The following TLE4 variants were observed in gnomAD, a reference collection of about 807,000 sequenced individuals.
TLE4 encodes the protein TLE family member 4, transcriptional corepressor.
In TLE4, 8 loss-of-function variants were observed where a neutral mutation model predicts 92.8. That is an observed-to-expected ratio of 0.09 (90% confidence interval 0.05 to 0.16). TLE4 has a LOEUF of 0.16. Ranked by LOEUF, TLE4 falls within the 10% of genes least tolerant of loss-of-function variation. TLE4 has a pLI of 1.00. For synonymous variants in TLE4, 371 were observed against 374.1 expected (o/e 0.99, Z 0.10); for missense variants, 675 against 997.6 (o/e 0.68, Z 4.36).
At chr9:79,620,322 C>T (rs115809337) in intron 5 of TLE4, among the ~76,000 whole-genome samples, 1,704 of 152,280 alleles carry the variant, frequency 0.011, 39 homozygotes, top group African/African-American at 0.039. Flanking sequence ...GCTCAGTATC[C>T]ACTCATATGT....
At chr9:79,584,617 A>G (rs1321095295) in intron 4 of TLE4, among the ~76,000 whole-genome samples, 1 of 152,170 alleles carries the variant, frequency 6.6e-6, no homozygotes, top group Non-Finnish European at 1.5e-5. Flanking sequence ...GCAATAAAAT[A>G]TTTGGTGAAT....
chr9:79,601,083 G>A (rs952626847), intron 4 of TLE4, among the ~76,000 whole-genome samples: 1 of 152,180 alleles, frequency 6.6e-6, no homozygotes, highest in African/African-American at 2.4e-5. Context: ...AGGAGGTTGA[G>A]CTGCATTTCC....
chr9:79,623,878 A>G (rs1332363356), intron 5 of TLE4, among the ~76,000 whole-genome samples: 1 of 152,148 alleles, frequency 6.6e-6, no homozygotes, highest in Non-Finnish European at 1.5e-5. Flanking sequence ...GGCGCATTCA[A>G]ACAGGACACT....
intron 4 of TLE4, among the ~76,000 whole-genome samples, chr9:79,581,623 CAG>C (rs770688800): frequency 1.9e-4 from 29 of 152,198 alleles, no homozygotes; most frequent in Non-Finnish European, 3.4e-4. Context: ...GATCCTAAGA[CAG>C]GGATTATATC....
intron 4 of TLE4, among the ~76,000 whole-genome samples, chr9:79,583,026 T>C (rs112388471): frequency 4.6e-5 from 7 of 152,312 alleles, no homozygotes; most frequent in African/African-American, 1.7e-4. Context: ...CTCAGAAGTT[T>C]TAGTCAGAAG....
intron 6 of TLE4, among the ~76,000 whole-genome samples, chr9:79,646,070 C>G (rs572267804): frequency 7.0e-4 from 106 of 151,058 alleles, no homozygotes; most frequent in African/African-American, 2.3e-3. Context: ...TCTTCTAAAG[C>G]CTATATATAT....
At chr9:79,709,252 TTTC>T (rs2072599468) in intron 13 of TLE4, among the ~76,000 whole-genome samples, 1 of 152,172 alleles carries the variant, frequency 6.6e-6, no homozygotes, top group Non-Finnish European at 1.5e-5. Context: ...GGTGAAGAAG[TTTC>T]TTTTTTATTT....
intron 8 of TLE4, among the ~76,000 whole-genome samples, chr9:79,665,629 G>A (rs7468402): frequency 0.88 from 134,478 of 152,242 alleles, 59,383 homozygotes; most frequent in Admixed American, 0.89. Flanking sequence ...CAGTGGCAAC[G>A]TTCTGTCGAC....
chr9:79,573,270 G>T (rs1246747699), intron 1 of TLE4: 3 of 1,022,318 alleles, frequency 2.9e-6, no homozygotes, highest in Middle Eastern at 3.6e-4. Flanking sequence ...GCGGGCGAAC[G>T]AACGAGCCGA....
At chr9:79,697,688 T>G (rs1170166188) in intron 8 of TLE4, among the ~76,000 whole-genome samples, 4 of 152,006 alleles carry the variant, frequency 2.6e-5, no homozygotes, top group African/African-American at 9.7e-5. Flanking sequence ...ATGTTCTAAT[T>G]TAAAATCAAT....
chr9:79,582,904 C>G (rs2040071438), intron 4 of TLE4, among the ~76,000 whole-genome samples: 1 of 152,106 alleles, frequency 6.6e-6, no homozygotes, highest in Non-Finnish European at 1.5e-5. Context: ...CACATTTACG[C>G]ATGGGCAATG....
chr9:79,706,842 A>G lies in TLE4; in HGVS notation c.879A>G (p.Pro293=), dbSNP rs370891011. The G allele has an allele frequency of 3.7e-6, 6 of 1,614,076 alleles. No individual in the cohort carries two copies. The highest frequency in any genetic ancestry group is 5.1e-6 in the Non-Finnish European group (6 of 1,180,036). ...TCAAGAAAGATGCCCCGATTAGTCC[A>G]GCCTCTATTGCATCTTCCAGCAGTA... The part of the protein sequence containing the change: ...RLLKKDAPIS[P]ASIASSSSTP... Residue 293 remains proline, a synonymous_variant, in exon 11 of 20, where the codon CCA becomes CCG. Transcript: ENST00000376552.
Position 79,572,850 on chromosome 9 carries a change from CG to C in TLE4, c.45+19del. The C allele has an allele frequency of 6.3e-7, 1 of 1,591,984 alleles. No homozygotes were observed. Among genetic ancestry groups the C allele is most frequent in the South Asian group, 1.1e-5 (1 of 88,878 alleles). On this transcript the variant is annotated intron_variant, in intron 1 of 19. Transcript: ENST00000376552. The stretch of plus-strand genomic sequence containing the variant: ...CCAGACACCCAGTGAGTGCGGGCGG[CG>C]GGGCGCGGGCTCGCCGGGTGCTGGG...
chr9:79,608,881 T>G (rs576463571), intron 4 of TLE4, among the ~76,000 whole-genome samples: 2 of 152,196 alleles, frequency 1.3e-5, no homozygotes, highest in South Asian at 4.1e-4. Context: ...ATTTATGTCT[T>G]TTTAAGGAAA....
intron 14 of TLE4, among the ~76,000 whole-genome samples, chr9:79,717,507 C>T (rs138220958): frequency 1.9e-3 from 284 of 152,254 alleles, no homozygotes; most frequent in Non-Finnish European, 3.4e-3. Context: ...AAAAGCCCGC[C>T]ACTGTCTAGT....
At chr9:79,637,167 G>A (rs58415402) in intron 6 of TLE4, among the ~76,000 whole-genome samples, 1 of 112,710 alleles carries the variant, frequency 8.9e-6, no homozygotes, top group Non-Finnish European at 1.8e-5. Context: ...ATTTTTCTAG[G>A]TTTATCACCT....
intron 8 of TLE4, among the ~76,000 whole-genome samples, chr9:79,686,387 G>A (rs1175321657): frequency 6.6e-6 from 1 of 152,168 alleles, no homozygotes; most frequent in Non-Finnish European, 1.5e-5. Context: ...CTTCGGGGTT[G>A]AATTGTGTCT....
intron 11 of TLE4, chr9:79,707,222 A>T (rs1192397364): frequency 3.1e-6 from 5 of 1,611,304 alleles, no homozygotes; most frequent in Admixed American, 1.7e-5. Context: ...GTTTATGGTA[A>T]ATTTAGTTTG....
At chr9:79,692,781 A>C (rs1370130720) in intron 8 of TLE4, among the ~76,000 whole-genome samples, 1 of 152,108 alleles carries the variant, frequency 6.6e-6, no homozygotes, top group East Asian at 1.9e-4. Flanking sequence ...TGCTAATCTT[A>C]TTTCTGAGGC....
Sources: gnomAD v4.1 joint callset for allele counts (sites outside exome capture counted in the v4.1 genomes callset) on GRCh38, gnomAD v4.1.1 for gene constraint, MANE v1.5 for transcripts, NCBI Gene and HGNC (gene_info 2026-07-23, HGNC 2026-07-21) for gene names.